The following PHYHIPL variants were observed in gnomAD, a reference collection of about 807,000 sequenced individuals.
The protein encoded by PHYHIPL is phytanoyl-CoA 2-hydroxylase interacting protein like, also known as phytanoyl-CoA hydroxylase-interacting protein-like.
Under a neutral mutation model 33.4 loss-of-function variants are expected in PHYHIPL, and 9 were observed. The ratio of observed to expected loss-of-function variants is 0.27; its 90% confidence interval spans 0.16 to 0.47. PHYHIPL has a LOEUF of 0.47. Among genes scored for constraint, PHYHIPL ranks in the 20% least tolerant of loss-of-function variants. The probability of loss-of-function intolerance (pLI) is 0.99; values close to 1 mark genes in which losing one functional copy is unlikely to be tolerated. For missense variants in PHYHIPL, 365 were observed against 460.7 expected (o/e 0.79, Z 1.90); for synonymous variants, 153 against 154.1 (o/e 0.99, Z 0.05).
chr10:59,223,573 C>T (rs1839837612), intron 1 of PHYHIPL, among the ~76,000 whole-genome samples: 1 of 151,674 alleles, frequency 6.6e-6, no homozygotes, highest in Admixed American at 6.6e-5. Context: ...GATGGGAAAC[C>T]ACTGAATAAT....
At chr10:59,185,338 C>CCACA (rs1204741334) in intron 1 of PHYHIPL, among the ~76,000 whole-genome samples, 2 of 152,166 alleles carry the variant, frequency 1.3e-5, no homozygotes, top group East Asian at 3.9e-4. Context: ...TGTATATGTG[C>CCACA]CACATTTTCT....
In PHYHIPL at chr10:59,234,422, A is replaced by C. The variant is rs779452351; in HGVS notation, c.225A>C (p.Lys75Asn). Residue 75 changes from lysine to asparagine, a missense_variant, in exon 2 of 5, where the codon AAA becomes AAC. By Grantham distance (94) the Lys-to-Asn change is moderately conservative. Around this residue, in one of 4 missense-constraint regions of PHYHIPL, gnomAD observed 63 missense variants for 119.3 expected, o/e 0.53. Coordinates refer to ENST00000373880, the MANE Select transcript of PHYHIPL (RefSeq NM_032439.4). ...AGATTTCATGGGAAATGGATTCAAA[A>C]TCAAAGGATCGCATTACACACTATT... is the stretch of plus-strand genomic sequence containing the variant. ...SFKISWEMDS[K>N]SKDRITHYFI... The C allele has an allele frequency of 6.2e-7, 1 of 1,604,640 alleles. No homozygotes were observed. The highest frequency in any genetic ancestry group is 1.1e-5 in the South Asian group (1 of 89,466).
intron 1 of PHYHIPL, among the ~76,000 whole-genome samples, chr10:59,182,492 G>A (rs912731803): frequency 3.3e-5 from 5 of 151,942 alleles, no homozygotes; most frequent in African/African-American, 4.8e-5. Flanking sequence ...ACAGGCACCC[G>A]CCACCACACC....
chr10:59,175,836 G>A (rs566177886), upstream of PHYHIPL, among the ~76,000 whole-genome samples: 3 of 152,350 alleles, frequency 2.0e-5, no homozygotes, highest in South Asian at 6.2e-4. Context: ...CAATGGCATA[G>A]GGTGAGCATT....
chr10:59,177,442 A>G, intron 1 of PHYHIPL: 1 of 1,499,194 alleles, frequency 6.7e-7, no homozygotes, highest in Non-Finnish European at 8.9e-7. Flanking sequence ...CCCCAAATTA[A>G]CAAGTCTTTT....
intron 1 of PHYHIPL, among the ~76,000 whole-genome samples, chr10:59,214,525 T>TAC (rs992216395): frequency 3.9e-5 from 6 of 152,200 alleles, no homozygotes; most frequent in Admixed American, 2.0e-4. Flanking sequence ...TTGATGGTGT[T>TAC]ATTTTGAGTC....
At chr10:59,202,979 T>C (rs1346423009) in intron 1 of PHYHIPL, among the ~76,000 whole-genome samples, 2 of 152,024 alleles carry the variant, frequency 1.3e-5, no homozygotes, top group African/African-American at 4.8e-5. Flanking sequence ...CTGCAGAATA[T>C]AGTGATTACT....
In PHYHIPL at chr10:59,207,673, TG is replaced by T. The variant is rs1294279807; in HGVS notation, c.107-26630del. ...TTGGGAGGCCAAGGCCAGCGGATCA[TG>T]AGGTCAGCAGATCGAGACCATCCTG... is the stretch of plus-strand genomic sequence containing the variant. On this transcript the variant is annotated intron_variant, in intron 1 of 4. Transcript: ENST00000373880. Among the ~76,000 whole-genome samples, 7 of 152,012 alleles carry T rather than the reference TG, an allele frequency of 4.6e-5. No homozygotes were observed. The East Asian group carries it at 1.2e-3, about 25-fold the overall frequency.
At chr10:59,243,717 C>T (rs1404069886) in intron 4 of PHYHIPL, among the ~76,000 whole-genome samples, 1 of 152,118 alleles carries the variant, frequency 6.6e-6, no homozygotes, top group East Asian at 1.9e-4. Flanking sequence ...GTAGCTTGAA[C>T]TTTGCTTCCC....
Position 59,245,695 on chromosome 10 carries a change from A to G in PHYHIPL, c.*104A>G, listed in dbSNP as rs562408771. The G allele has an allele frequency of 1.4e-5, 18 of 1,267,140 alleles. No individual in the cohort carries two copies. The African/African-American group carries it at 2.7e-4, about 19-fold the overall frequency. 78.5% of individuals were successfully genotyped at this position (1,267,140 alleles called of 1,614,324 possible). ...AGATGTTTTCCACTGAAGCATGCAC[A>G]TGCCACTGTCACCAAAACAAACAAC... On this transcript the variant is annotated 3_prime_UTR_variant, in exon 5 of 5. Coordinates refer to ENST00000373880, the MANE Select transcript of PHYHIPL (RefSeq NM_032439.4).
intron 1 of PHYHIPL, among the ~76,000 whole-genome samples, chr10:59,198,301 T>G (rs1188501728): frequency 6.7e-6 from 1 of 148,682 alleles, no homozygotes; most frequent in Non-Finnish European, 1.5e-5. Context: ...GAACATGCGG[T>G]GTTTGGTTTT....
intron 1 of PHYHIPL, among the ~76,000 whole-genome samples, chr10:59,193,645 A>G (rs999657326): frequency 6.6e-6 from 1 of 151,750 alleles, no homozygotes; most frequent in Admixed American, 6.6e-5. Context: ...TTTCTTGCAG[A>G]CTCTTTTTGT....
At chr10:59,177,345 AC>A in intron 1 of PHYHIPL, 1 of 878,620 alleles carries the variant, frequency 1.1e-6, no homozygotes, top group Non-Finnish European at 1.7e-6. Flanking sequence ...GTTTCTAGCA[AC>A]CCCCTTCCCC....
Position 59,245,601 on chromosome 10 carries a change from T to A in PHYHIPL, c.*10T>A. On this transcript the variant is annotated 3_prime_UTR_variant, in exon 5 of 5. Transcript: ENST00000373880. Reference sequence around the variant, plus strand: ...CAGTGTTGGACGTTAATGCCCACTTTTCTTATTCTTACTCAGCCCCTTTTC... The same window carrying A: ...CAGTGTTGGACGTTAATGCCCACTTATCTTATTCTTACTCAGCCCCTTTTC... The A allele has an allele frequency of 6.4e-7, 1 of 1,570,536 alleles. No individual in the cohort carries two copies. The highest frequency in any genetic ancestry group is 1.2e-5 in the South Asian group (1 of 81,694).
chr10:59,178,799 A>G (rs1052876938), intron 1 of PHYHIPL, among the ~76,000 whole-genome samples: 3 of 152,244 alleles, frequency 2.0e-5, no homozygotes, highest in Non-Finnish European at 2.9e-5. Flanking sequence ...AGGAGTAGCT[A>G]TTTTATTCTG....
intron 1 of PHYHIPL, among the ~76,000 whole-genome samples, chr10:59,225,598 T>C (rs1300485624): frequency 6.6e-6 from 1 of 152,184 alleles, no homozygotes; most frequent in Non-Finnish European, 1.5e-5. Context: ...CCAGGCAGAA[T>C]ACTGGTAGTA....
intron 1 of PHYHIPL, among the ~76,000 whole-genome samples, chr10:59,212,477 A>G (rs1249939347): frequency 6.6e-6 from 1 of 152,198 alleles, no homozygotes; most frequent in Non-Finnish European, 1.5e-5. Context: ...GTCTCAGGCA[A>G]TCCCAGCAGG....
At chr10:59,222,885 G>T (rs1008832460) in intron 1 of PHYHIPL, among the ~76,000 whole-genome samples, 2 of 152,040 alleles carry the variant, frequency 1.3e-5, no homozygotes, top group African/African-American at 4.8e-5. Flanking sequence ...TCTACTACAT[G>T]CCAGATGTAT....
At chr10:59,201,350 C>T (rs1321220651) in intron 1 of PHYHIPL, among the ~76,000 whole-genome samples, 3 of 152,164 alleles carry the variant, frequency 2.0e-5, no homozygotes, top group African/African-American at 4.8e-5. Context: ...TGTTCGTTTT[C>T]CATGTAGTTG....
Sources: gnomAD v4.1 joint callset for allele counts (sites outside exome capture counted in the v4.1 genomes callset) on GRCh38, gnomAD v4.1.1 for gene constraint, gnomAD v4.1.1 regional missense constraint, MANE v1.5 for transcripts, NCBI Gene and HGNC (gene_info 2026-07-23, HGNC 2026-07-21) for gene names.